The following PPP1R8 variants were observed in gnomAD, a reference collection of about 807,000 sequenced individuals.
The protein encoded by PPP1R8 is protein phosphatase 1 regulatory subunit 8, also known as nuclear inhibitor of protein phosphatase 1.
Under a neutral mutation model 31.3 loss-of-function variants are expected in PPP1R8, and 4 were observed. The ratio of observed to expected loss-of-function variants is 0.13; its 90% CI spans 0.06 to 0.29. The LOEUF is 0.29. PPP1R8 is among the 10% of genes least tolerant of loss of function. The probability of loss-of-function intolerance (pLI) is 1.00; values close to 1 mark genes in which losing one functional copy is unlikely to be tolerated. For synonymous variants in PPP1R8, 170 were observed against 169.7 expected, an observed-to-expected ratio of 1.00 and a Z score of -0.01; for missense variants, 254 against 440.1, an observed-to-expected ratio of 0.58 and a Z score of 3.78.
At chr1:27,832,717 C>A (rs751868901) in intron 1 of PPP1R8, 39 bp from the exon 2 acceptor site, 1 of 1,544,574 alleles carries the variant, frequency 6.5e-7, no homozygotes, top group Non-Finnish European at 8.9e-7. Context: ...CATTTATAAA[C>A]CCATCCTGAA....
chr1:27,838,155 G>C lies in PPP1R8; in HGVS notation c.118-544G>C, dbSNP rs373162851. Among the ~76,000 whole-genome samples, 19 of 150,204 alleles carry C rather than the reference G, an allele frequency of 1.3e-4. No individual in the cohort carries two copies. The East Asian group carries it at 3.1e-3, about 25-fold the overall frequency. On this transcript the variant is annotated intron_variant, in intron 2 of 6. Transcript: ENST00000311772. ...GAACGCAGGAGTTGGAGGTTGCAGT[G>C]AGCCAAGATTGCACCATTGCACTCC...
At position 27,851,286 on chromosome 1, in the gene PPP1R8, T is replaced by C. The variant is rs2089341794; in HGVS notation, c.*840T>C. 1.6e-5 allele frequency: 5 copies of C among 303,108 alleles called. No individual in the cohort carries two copies. The allele number at this position is 303,108 out of a possible 1,614,324, so 18.8% of individuals were successfully genotyped here. A position where few individuals can be genotyped will look rare whatever the true frequency, so the allele number is the denominator to read the frequency against. Reference sequence around the variant, plus strand: ...AAAAGATTTGTTTGGAAGTAACTGGTGTCTCTAAGAGGAATTTTTAGATGT... The same window carrying C: ...AAAAGATTTGTTTGGAAGTAACTGGCGTCTCTAAGAGGAATTTTTAGATGT... On this transcript the variant is annotated 3_prime_UTR_variant, in exon 7 of 7. Transcript: ENST00000311772.
At chr1:27,844,829 T>C (rs1459240620) in intron 5 of PPP1R8, among the ~76,000 whole-genome samples, 2 of 141,106 alleles carry the variant, frequency 1.4e-5, no homozygotes, top group Non-Finnish European at 3.0e-5. Flanking sequence ...GCCATTTTCC[T>C]GCCTCAGCCT....
intron 5 of PPP1R8, among the ~76,000 whole-genome samples, chr1:27,846,703 A>C (rs1169233232): frequency 2.0e-5 from 3 of 152,232 alleles, no homozygotes; most frequent in Non-Finnish European, 4.4e-5. Context: ...AGGGCAGCAC[A>C]GCACAGTGGT....
chr1:27,834,725 T>C (rs754837062), intron 2 of PPP1R8, among the ~76,000 whole-genome samples: 1 of 152,196 alleles, frequency 6.6e-6, no homozygotes, highest in African/African-American at 2.4e-5. Flanking sequence ...TAAAATTCCA[T>C]ACATTTTGGC....
intron 2 of PPP1R8, among the ~76,000 whole-genome samples, chr1:27,838,427 A>G (rs2148616244): frequency 6.6e-6 from 1 of 152,314 alleles, no homozygotes; most frequent in South Asian, 2.1e-4. Flanking sequence ...AACACTAGAC[A>G]AACACTACAT....
rs1182091988 is a variant in PPP1R8, at chr1:27,850,631, T to C, written c.*185T>C. On this transcript the variant is annotated 3_prime_UTR_variant, in exon 7 of 7. Transcript: ENST00000311772. ...TTGAAATAGCCCATAAAGACCTGTC[T>C]TCACAACACTTGCATTGTAGAGAAA... 1.7e-6 allele frequency: 1 copy of C among 587,442 alleles called. No individual in the cohort carries two copies. The highest frequency in any genetic ancestry group is 3.0e-6 in the Non-Finnish European group (1 of 337,000). The allele number at this position is 587,442 out of a possible 1,614,324, so 36.4% of individuals were successfully genotyped here. A position where few individuals can be genotyped will look rare whatever the true frequency, so the allele number is the denominator to read the frequency against.
At position 27,850,448 on chromosome 1, in the gene PPP1R8, AT is replaced by A; in HGVS notation, c.*7del. On this transcript the variant is annotated 3_prime_UTR_variant, in exon 7 of 7. Coordinates refer to ENST00000311772, the MANE Select transcript of PPP1R8 (RefSeq NM_014110.5). ...CCCACACCTTCCTTGCTGATTTGAT[AT>A]TTTTGGTCATGGAGAAGGGTGGGAT... 2.0e-6 allele frequency: 1 copy of A among 512,500 alleles called. No homozygotes were observed. The highest frequency in any genetic ancestry group is 3.8e-6 in the Non-Finnish European group (1 of 262,426). The allele number at this position is 512,500 out of a possible 1,614,324, so 31.7% of individuals were successfully genotyped here. A position where few individuals can be genotyped will look rare whatever the true frequency, so the allele number is the denominator to read the frequency against.
intron 1 of PPP1R8, 48 bp from the exon 2 acceptor site, chr1:27,832,708 A>C (rs747956370): frequency 4.0e-6 from 6 of 1,508,744 alleles, no homozygotes; most frequent in Middle Eastern, 3.4e-4. Flanking sequence ...TGTAAATAGC[A>C]TTTATAAACC....
intron 2 of PPP1R8, among the ~76,000 whole-genome samples, chr1:27,837,259 G>T (rs1294871229): frequency 1.3e-5 from 2 of 148,406 alleles, no homozygotes; most frequent in African/African-American, 5.0e-5. Context: ...GTGAAACCCT[G>T]TCTCTTCTAA....
chr1:27,836,490 C>T lies in PPP1R8; in HGVS notation c.118-2209C>T, dbSNP rs372261946. Among the ~76,000 whole-genome samples the T allele has an allele frequency of 8.4e-4, 128 of 152,310 alleles. 1 individual carries two copies. The South Asian group carries it at 0.024, about 29-fold the overall frequency. On this transcript the variant is annotated intron_variant, in intron 2 of 6. Transcript: ENST00000311772. ...GAGTGCAGTGGCCGATCTCGGCTCA[C>T]TGCAAGCTCTGCCTCCCGGGCTCAT... is the stretch of plus-strand genomic sequence containing the variant.
At position 27,851,289 on chromosome 1, in the gene PPP1R8, C is replaced by T. The variant is rs970824752; in HGVS notation, c.*843C>T. ...AGATTTGTTTGGAAGTAACTGGTGT[C>T]TCTAAGAGGAATTTTTAGATGTCAG... On this transcript the variant is annotated 3_prime_UTR_variant, in exon 7 of 7. Coordinates refer to ENST00000311772, the MANE Select transcript of PPP1R8 (RefSeq NM_014110.5). The T allele has an allele frequency of 6.2e-6, 2 of 320,932 alleles. No homozygotes were observed. Among genetic ancestry groups the T allele is most frequent in the Non-Finnish European group, 1.2e-5 (2 of 161,348 alleles). The allele number at this position is 320,932 out of a possible 1,614,324, so 19.9% of individuals were successfully genotyped here.
Position 27,851,640 on chromosome 1 carries a change from A to T in PPP1R8, c.*1194A>T, listed in dbSNP as rs1346678480. On this transcript the variant is annotated 3_prime_UTR_variant, in exon 7 of 7. Transcript: ENST00000311772. ...TGGGAGGCAATGCTCCATCCCCATT[A>T]TATTACAAATAAAGATGCCCTAAAT... The T allele has an allele frequency of 4.1e-6, 2 of 488,200 alleles. No individual in the cohort carries two copies. The highest frequency in any genetic ancestry group is 8.2e-6 in the Non-Finnish European group (2 of 243,262). The allele number at this position is 488,200 out of a possible 1,614,324, so 30.2% of individuals were successfully genotyped here.
At chr1:27,830,920 T>A (rs779158959) in intron 1 of PPP1R8, 29 bp downstream of exon 1, 11 of 1,541,290 alleles carry the variant, frequency 7.1e-6, no homozygotes, top group Non-Finnish European at 8.7e-6. Context: ...AGGGCTAGAG[T>A]GGCCCGGCCG....
At chr1:27,844,028 G>A (rs934532790) in intron 5 of PPP1R8, among the ~76,000 whole-genome samples, 8 of 152,234 alleles carry the variant, frequency 5.3e-5, no homozygotes, top group African/African-American at 1.9e-4. Flanking sequence ...TGTGAGACAC[G>A]ATCTCATTCT....
chr1:27,837,440 G>C (rs2089178416), intron 2 of PPP1R8, among the ~76,000 whole-genome samples: 1 of 149,426 alleles, frequency 6.7e-6, no homozygotes, highest in Admixed American at 6.7e-5. Context: ...AAAAAAAAGA[G>C]TTGTTACTGT....
chr1:27,848,992 T>C (rs555096927), intron 6 of PPP1R8, among the ~76,000 whole-genome samples: 13 of 152,340 alleles, frequency 8.5e-5, no homozygotes, highest in African/African-American at 2.9e-4. Context: ...CTCGTAGCCC[T>C]TTGCAGCAGC....
chr1:27,846,861 A>G (rs1035033367), intron 5 of PPP1R8, among the ~76,000 whole-genome samples, 167 bp from the exon 6 acceptor site: 3 of 152,234 alleles, frequency 2.0e-5, no homozygotes, highest in Non-Finnish European at 2.9e-5. Context: ...TACCTACATC[A>G]CAGGGTCTTT....
At chr1:27,838,241 G>A (rs544298665) in intron 2 of PPP1R8, among the ~76,000 whole-genome samples, 8 of 149,494 alleles carry the variant, frequency 5.4e-5, no homozygotes, top group Non-Finnish European at 8.9e-5. Flanking sequence ...TTAGCTGAAC[G>A]TGGTGGTGCA....
Sources: gnomAD v4.1 joint callset for allele counts (sites outside exome capture counted in the v4.1 genomes callset) on GRCh38, gnomAD v4.1.1 for gene constraint, MANE v1.5 for transcripts, NCBI Gene and HGNC (gene_info 2026-07-23, HGNC 2026-07-21) for gene names.